Variants in ZDHHC3 observed in about 807,000 individuals in gnomAD.
ZDHHC3 encodes palmitoyltransferase ZDHHC3.
ZDHHC3 carries 9 observed loss-of-function variants against 30.6 expected under a neutral mutation model. That is an observed-to-expected ratio of 0.29 (90% CI 0.18 to 0.51). ZDHHC3 has a LOEUF of 0.51. ZDHHC3 is among the 20% of genes least tolerant of loss of function. The pLI, the probability that ZDHHC3 is intolerant of heterozygous loss-of-function variation, is 0.97. For missense variants in ZDHHC3, 246 were observed against 384.2 expected, an observed-to-expected ratio of 0.64 and a Z score of 3.01; for synonymous variants, 136 against 140.2, an observed-to-expected ratio of 0.97 and a Z score of 0.21.
intron 1 of ZDHHC3, among the ~76,000 whole-genome samples, chr3:44,973,064 C>T (rs1452707306): frequency 6.6e-6 from 1 of 152,188 alleles, no homozygotes; most frequent in Non-Finnish European, 1.5e-5. Context: ...GACACAGCAA[C>T]ATCCCATCAG....
In ZDHHC3 at chr3:44,921,365, C is replaced by T. The variant is rs565696878; in HGVS notation, c.*5324G>A. ...CCTATGCAAATGTGTCTCTTCATAG[C>T]GGGCCAGATAACACTGTCTCTCCTC... On this transcript the variant is annotated 3_prime_UTR_variant, in exon 7 of 7. Coordinates refer to ENST00000424952, the MANE Select transcript of ZDHHC3 (RefSeq NM_001135179.2). 1,965 of 982,762 alleles carry T rather than the reference C, an allele frequency of 2.0e-3. 24 individuals carry two copies. In the African/African-American group the frequency reaches 0.031, roughly 15 times the overall value. 60.9% of individuals were successfully genotyped at this position (982,762 alleles called of 1,614,324 possible).
chr3:44,962,495 A>AGAAGGAAGGAAG (rs60365987), intron 1 of ZDHHC3, among the ~76,000 whole-genome samples: 18,969 of 111,988 alleles, frequency 0.17, 2,128 homozygotes, highest in Non-Finnish European at 0.21. Flanking sequence ...AAAGGGAGAG[A>AGAAGGAAGGAAG]GAAGGAAGGA....
intron 6 of ZDHHC3, among the ~76,000 whole-genome samples, chr3:44,928,026 T>C: frequency 6.6e-6 from 1 of 152,234 alleles, no homozygotes; most frequent in East Asian, 1.9e-4. Flanking sequence ...CCGTGAGAGC[T>C]TGCCTTCTGG....
chr3:44,953,554 T>C (rs1703658733), intron 2 of ZDHHC3, among the ~76,000 whole-genome samples: 1 of 152,208 alleles, frequency 6.6e-6, no homozygotes, highest in South Asian at 2.1e-4. Context: ...GCTTAAATTG[T>C]TTCAGGGCCA....
In ZDHHC3 at chr3:44,918,807, C is replaced by T. The variant is rs572294389; in HGVS notation, c.*7882G>A. On this transcript the variant is annotated 3_prime_UTR_variant, in exon 7 of 7. Coordinates refer to ENST00000424952, the MANE Select transcript of ZDHHC3 (RefSeq NM_001135179.2). ...TGTCAACTCACCTGCCTCTGGGTGT[C>T]GGCTGCAACTCAGCCACCAGGCCAC... The T allele has an allele frequency of 1.0e-5, 10 of 987,034 alleles. No homozygotes were observed. In the Admixed American group the frequency reaches 1.8e-4, roughly 18 times the overall value. The allele number at this position is 987,034 out of a possible 1,614,324, so 61.1% of individuals were successfully genotyped here. A position where few individuals can be genotyped will look rare whatever the true frequency, so the allele number is the denominator to read the frequency against.
chr3:44,934,673 T>C (rs1418971089), intron 3 of ZDHHC3, among the ~76,000 whole-genome samples: 1 of 150,092 alleles, frequency 6.7e-6, no homozygotes, highest in African/African-American at 2.5e-5. Flanking sequence ...GGGCAGATCA[T>C]CTGAGGTCAG....
intron 3 of ZDHHC3, chr3:44,938,231 G>A (rs1159458425): frequency 4.3e-5 from 8 of 185,122 alleles, no homozygotes; most frequent in Admixed American, 2.9e-4. Flanking sequence ...TGATCCCCCC[G>A]CCTCGGCCTC....
chr3:44,926,159 G>A lies in ZDHHC3; in HGVS notation c.*530C>T, dbSNP rs545113604. 1.7e-5 allele frequency: 17 copies of A among 985,748 alleles called. No homozygotes were observed. The highest frequency in any genetic ancestry group is 5.2e-4 in the Middle Eastern group (1 of 1,914). The allele number at this position is 985,748 out of a possible 1,614,324, so 61.1% of individuals were successfully genotyped here. On this transcript the variant is annotated 3_prime_UTR_variant, in exon 7 of 7. Transcript: ENST00000424952. Reference sequence around the variant, plus strand: ...CCGTGTCCACTTGGGGGATGAGGTCGCTGTGCCAAGGTCCCTTCTGATCCT... The same window carrying A: ...CCGTGTCCACTTGGGGGATGAGGTCACTGTGCCAAGGTCCCTTCTGATCCT...
chr3:44,944,225 C>T (rs1702704139), intron 3 of ZDHHC3, among the ~76,000 whole-genome samples: 1 of 152,146 alleles, frequency 6.6e-6, no homozygotes, highest in African/African-American at 2.4e-5. Flanking sequence ...TCTCGGCTCA[C>T]CGCAACCTCT....
At chr3:44,972,720 T>C (rs1266003512) in intron 1 of ZDHHC3, among the ~76,000 whole-genome samples, 1 of 152,208 alleles carries the variant, frequency 6.6e-6, no homozygotes, top group Non-Finnish European at 1.5e-5. Context: ...CTTTATTTTA[T>C]TGTCTTGTTC....
chr3:44,925,825 C>T lies in ZDHHC3; in HGVS notation c.*864G>A. 1.0e-6 allele frequency: 1 copy of T among 985,800 alleles called. No individual in the cohort carries two copies. The highest frequency in any genetic ancestry group is 1.2e-6 in the Non-Finnish European group (1 of 829,930). The allele number at this position is 985,800 out of a possible 1,614,324, so 61.1% of individuals were successfully genotyped here. ...CCTATTGCAGTCAGAATTCACACTG[C>T]TTAATTGACATCTTGCTGGGGAAGA... On this transcript the variant is annotated 3_prime_UTR_variant, in exon 7 of 7. Coordinates refer to ENST00000424952, the MANE Select transcript of ZDHHC3 (RefSeq NM_001135179.2).
chr3:44,959,289 C>T lies in ZDHHC3; in HGVS notation c.148G>A (p.Val50Ile), dbSNP rs749683659. Residue 50 changes from valine to isoleucine, a missense_variant, in exon 2 of 7, where the codon GTT becomes ATT. Val to Ile is a conservative substitution (Grantham distance 29). Coordinates refer to ENST00000424952, the MANE Select transcript of ZDHHC3 (RefSeq NM_001135179.2). This position sits in a 1 kb window ranked among gnomAD's most constrained non-coding sequence, Gnocchi z 4.3. Reference sequence around the variant, plus strand: ...GCATAGAGGACCAGAAACCAGGTAACGATGGCACAGGCGATGCCACAGCCG... The same window carrying T: ...GCATAGAGGACCAGAAACCAGGTAATGATGGCACAGGCGATGCCACAGCCG... ...RDGCGIACAI[V>I]TWFLVLYAEF... The T allele has an allele frequency of 2.8e-5, 46 of 1,614,086 alleles. No individual in the cohort carries two copies. Among genetic ancestry groups the T allele is most frequent in the Non-Finnish European group, 3.6e-5 (43 of 1,180,050 alleles).
chr3:44,926,746 G>A lies in ZDHHC3; in HGVS notation c.843C>T (p.Ala281=). 1 of 1,613,948 alleles carries A rather than the reference G, an allele frequency of 6.2e-7. No individual in the cohort carries two copies. The highest frequency in any genetic ancestry group is 1.1e-5 in the South Asian group (1 of 91,030). ...VFGHPFSLGW[A]SPFATPDQGK... ...CTTGGTCTGGCGTGGCAAAGGGGCTGGCCCAGCCTAGAGAGAAGGGGTGGC... is the reference window on the plus strand; with the variant it reads ...CTTGGTCTGGCGTGGCAAAGGGGCTAGCCCAGCCTAGAGAGAAGGGGTGGC... Residue 281 remains alanine, a synonymous_variant, in exon 7 of 7, where the codon GCC becomes GCT. Transcript: ENST00000424952.
At chr3:44,950,874 T>C (rs1376774530) in intron 2 of ZDHHC3, among the ~76,000 whole-genome samples, 3 of 152,222 alleles carry the variant, frequency 2.0e-5, no homozygotes, top group African/African-American at 7.2e-5. Flanking sequence ...ATGCTTGCAT[T>C]ACTGAGAAAT....
intron 1 of ZDHHC3, among the ~76,000 whole-genome samples, chr3:44,962,338 G>A (rs1226740719): frequency 1.3e-5 from 2 of 152,028 alleles, no homozygotes; most frequent in Non-Finnish European, 2.9e-5. Context: ...ACAATGATTC[G>A]ACTAAACAAG....
intron 3 of ZDHHC3, chr3:44,938,571 C>A (rs989695453): frequency 6.6e-6 from 1 of 152,312 alleles, no homozygotes. Flanking sequence ...TAGTTCACAC[C>A]AGCTTTCCTC....
chr3:44,919,916 C>T lies in ZDHHC3; in HGVS notation c.*6773G>A. 9.6e-7 allele frequency: 1 copy of T among 1,041,164 alleles called. No homozygotes were observed. The highest frequency in any genetic ancestry group is 1.2e-6 in the Non-Finnish European group (1 of 860,246). 64.5% of individuals were successfully genotyped at this position (1,041,164 alleles called of 1,614,324 possible). On this transcript the variant is annotated 3_prime_UTR_variant, in exon 7 of 7. Transcript: ENST00000424952. The stretch of plus-strand genomic sequence containing the variant: ...ACTTGAACACTGAATTATAATAATG[C>T]AAAGCTGGAAATGAGAAATGCCCAA...
chr3:44,920,728 T>C lies in ZDHHC3; in HGVS notation c.*5961A>G. 5 of 985,396 alleles carry C rather than the reference T, an allele frequency of 5.1e-6. No individual in the cohort carries two copies. The highest frequency in any genetic ancestry group is 6.0e-6 in the Non-Finnish European group (5 of 829,932). The allele number at this position is 985,396 out of a possible 1,614,324, so 61.0% of individuals were successfully genotyped here. On this transcript the variant is annotated 3_prime_UTR_variant, in exon 7 of 7. Coordinates refer to ENST00000424952, the MANE Select transcript of ZDHHC3 (RefSeq NM_001135179.2). ...AAGCCAAGAGCCCACAGGATGATTA[T>C]TTGCCATTCATGTGGCATGCTCCCA... is the stretch of plus-strand genomic sequence containing the variant.
intron 2 of ZDHHC3, among the ~76,000 whole-genome samples, chr3:44,955,215 T>C (rs968962277): frequency 2.6e-5 from 4 of 152,180 alleles, no homozygotes; most frequent in Admixed American, 2.6e-4. Context: ...CTGTCCCTTT[T>C]GCCCTATTTC....
Sources: allele counts gnomAD v4.1 joint callset (sites outside exome capture counted in the v4.1 genomes callset), GRCh38; gene constraint gnomAD v4.1.1; non-coding constraint Gnocchi (gnomAD v3.1); transcripts MANE v1.5; gene names NCBI Gene and HGNC (gene_info 2026-07-23, HGNC 2026-07-21).